Variants in MITF observed in about 807,000 individuals in gnomAD.
MITF encodes the protein microphthalmia-associated transcription factor.
In MITF, 17 loss-of-function variants were observed where a neutral mutation model predicts 60.5. That is an observed-to-expected ratio of 0.28 (90% CI 0.19 to 0.42). MITF has a LOEUF of 0.42. Among genes scored for constraint, MITF ranks in the 10% least tolerant of loss-of-function variants. MITF has a pLI of 1.00. For synonymous variants in MITF, 260 were observed against 248.5 expected, an observed-to-expected ratio of 1.05 and a Z score of -0.43; for missense variants, 622 against 683.5, an observed-to-expected ratio of 0.91 and a Z score of 1.00.
intron 2 of MITF, among the ~76,000 whole-genome samples, chr3:69,896,176 TC>T (rs2064872708): frequency 6.6e-6 from 1 of 152,178 alleles, no homozygotes; most frequent in African/African-American, 2.4e-5. Flanking sequence ...AACATGAAAA[TC>T]CTTTTGGTTC....
chr3:69,770,519 G>A (rs956304485), intron 1 of MITF, among the ~76,000 whole-genome samples: 5 of 152,150 alleles, frequency 3.3e-5, no homozygotes, highest in African/African-American at 4.8e-5. Flanking sequence ...TTTTAAGTAG[G>A]ATTGGTCTTT....
At chr3:69,947,627 G>C (rs1382057668) in intron 5 of MITF, among the ~76,000 whole-genome samples, 1 of 152,082 alleles carries the variant, frequency 6.6e-6, no homozygotes, top group African/African-American at 2.4e-5. Flanking sequence ...TGTGTATTAG[G>C]TTTTATGCAT....
At chr3:69,786,201 G>A (rs2062646566) in intron 1 of MITF, among the ~76,000 whole-genome samples, 1 of 152,148 alleles carries the variant, frequency 6.6e-6, no homozygotes, top group East Asian at 1.9e-4. Flanking sequence ...CAAAGTAAAT[G>A]AGAATGGATG....
At position 69,965,871 on chromosome 3, in the gene MITF, C is replaced by G. The variant is rs1230950459; in HGVS notation, c.*623C>G. The G allele has an allele frequency of 2.2e-5, 5 of 230,256 alleles. No individual in the cohort carries two copies. Among genetic ancestry groups the G allele is most frequent in the African/African-American group, 1.1e-4 (5 of 45,072 alleles). The allele number at this position is 230,256 out of a possible 1,614,324, so 14.3% of individuals were successfully genotyped here. A position where few individuals can be genotyped will look rare whatever the true frequency, so the allele number is the denominator to read the frequency against. On this transcript the variant is annotated 3_prime_UTR_variant, in exon 10 of 10. Transcript: ENST00000352241. ...GTCTGGTTAGAAAACATAACTGATA[C>G]CAACCGAAACTGAAGGGAGTTAGAC...
At chr3:69,847,071 A>G (rs1333374861) in intron 1 of MITF, among the ~76,000 whole-genome samples, 3 of 152,122 alleles carry the variant, frequency 2.0e-5, no homozygotes, top group Non-Finnish European at 1.5e-5. Flanking sequence ...CATTAGTGTC[A>G]CTGATTGGGA....
At chr3:69,811,052 G>A (rs1275852168) in intron 1 of MITF, among the ~76,000 whole-genome samples, 5 of 152,150 alleles carry the variant, frequency 3.3e-5, no homozygotes, top group East Asian at 1.9e-4. Flanking sequence ...AGGTTCTAAA[G>A]CAGTGGTTCT....
chr3:69,853,814 A>G (rs909120830), intron 1 of MITF, among the ~76,000 whole-genome samples: 6 of 150,386 alleles, frequency 4.0e-5, no homozygotes, highest in African/African-American at 1.5e-4. Flanking sequence ...ACTGATGTGT[A>G]GTGATGCATT....
intron 1 of MITF, among the ~76,000 whole-genome samples, chr3:69,839,766 A>T (rs1320289997): frequency 6.6e-6 from 1 of 152,130 alleles, no homozygotes; most frequent in Non-Finnish European, 1.5e-5. Flanking sequence ...AAAAAAAAGT[A>T]AGGGAATTTC....
At chr3:69,911,494 A>G (rs949811709) in intron 2 of MITF, among the ~76,000 whole-genome samples, 4 of 152,196 alleles carry the variant, frequency 2.6e-5, no homozygotes, top group African/African-American at 9.7e-5. Flanking sequence ...CCACACTTCC[A>G]GGAGATGGTG....
At chr3:69,824,820 A>G (rs2063329861) in intron 1 of MITF, among the ~76,000 whole-genome samples, 1 of 152,070 alleles carries the variant, frequency 6.6e-6, no homozygotes, top group Admixed American at 6.6e-5. Context: ...CTCTGGTGGG[A>G]CACCTCCCTG....
At position 69,870,439 on chromosome 3, in the gene MITF, TA is replaced by T. The variant is rs1261557038; in HGVS notation, c.105-8694del. On this transcript the variant is annotated intron_variant, in intron 1 of 9. Transcript: ENST00000352241. ...ATATGTGTGTGTATATATATATATATATTTTTTTTTTTTTGAGACGGAATCT... is the reference window on the plus strand; with the variant it reads ...ATATGTGTGTGTATATATATATATATTTTTTTTTTTTTTGAGACGGAATCT... Among the ~76,000 whole-genome samples, 1,083 of 138,774 alleles carry T rather than the reference TA, an allele frequency of 7.8e-3. 15 individuals are homozygous for T. Among genetic ancestry groups the T allele is most frequent in the African/African-American group, 0.018 (673 of 36,848 alleles). 91.0% of individuals were successfully genotyped at this position (138,774 alleles called of 152,430 possible). A position where few individuals can be genotyped will look rare whatever the true frequency, so the allele number is the denominator to read the frequency against.
At chr3:69,800,098 TA>T (rs2106947398) in intron 1 of MITF, among the ~76,000 whole-genome samples, 1 of 152,316 alleles carries the variant, frequency 6.6e-6, no homozygotes, top group East Asian at 1.9e-4. Context: ...TCGTACCTAT[TA>T]GCAGTTAGTC....
chr3:69,784,451 C>G (rs2062616174), intron 1 of MITF, among the ~76,000 whole-genome samples: 1 of 152,120 alleles, frequency 6.6e-6, no homozygotes, highest in African/African-American at 2.4e-5. Context: ...TCTCTGTGAT[C>G]TCAGAATAGG....
intron 2 of MITF, among the ~76,000 whole-genome samples, chr3:69,901,842 G>A (rs1167713716): frequency 6.6e-6 from 1 of 152,212 alleles, no homozygotes; most frequent in Non-Finnish European, 1.5e-5. Flanking sequence ...ATGTCATCAA[G>A]AGTCCATGTA....
At chr3:69,843,888 C>A (rs1467163662) in intron 1 of MITF, among the ~76,000 whole-genome samples, 1 of 152,146 alleles carries the variant, frequency 6.6e-6, no homozygotes, top group African/African-American at 2.4e-5. Flanking sequence ...TGCTTTCCCT[C>A]TCCTAGTCCC....
At chr3:69,761,195 G>T (rs963926497) in intron 1 of MITF, among the ~76,000 whole-genome samples, 26 of 148,426 alleles carry the variant, frequency 1.8e-4, no homozygotes, top group African/African-American at 6.9e-4. Flanking sequence ...AATTCTTTCT[G>T]TGTTAGAAAA....
intron 1 of MITF, chr3:69,763,876 C>A: frequency 7.3e-7 from 1 of 1,378,414 alleles, no homozygotes. Context: ...GTGGTTTTCC[C>A]ACGAGCTATT....
At chr3:69,798,736 G>A (rs1400073787) in intron 1 of MITF, among the ~76,000 whole-genome samples, 1 of 152,234 alleles carries the variant, frequency 6.6e-6, no homozygotes, top group Non-Finnish European at 1.5e-5. Flanking sequence ...TTTAGCAACA[G>A]TGGACTTCAT....
At chr3:69,925,966 C>T (rs2065576714) in intron 2 of MITF, among the ~76,000 whole-genome samples, 1 of 152,138 alleles carries the variant, frequency 6.6e-6, no homozygotes, top group Admixed American at 6.5e-5. Flanking sequence ...TGCTTCCCCA[C>T]CTTAAATATG....
Sources: gnomAD v4.1 joint callset for allele counts (sites outside exome capture counted in the v4.1 genomes callset) on GRCh38, gnomAD v4.1.1 for gene constraint, MANE v1.5 for transcripts, NCBI Gene and HGNC (gene_info 2026-07-23, HGNC 2026-07-21) for gene names.